The following ANKS1A variants were observed in gnomAD, a reference collection of about 807,000 sequenced individuals.
ANKS1A encodes the protein ankyrin repeat and sterile alpha motif domain containing 1A, also known as ankyrin repeat and SAM domain-containing protein 1A.
Under a neutral mutation model 120.3 loss-of-function variants are expected in ANKS1A, and 55 were observed. That is an observed-to-expected ratio of 0.46 (90% confidence interval 0.37 to 0.57). The LOEUF is 0.57. Ranked by LOEUF, ANKS1A falls within the 20% of genes least tolerant of loss-of-function variation. The probability of loss-of-function intolerance (pLI) is 0.00; values close to 1 mark genes in which losing one functional copy is unlikely to be tolerated. For missense variants in ANKS1A, 1,123 were observed against 1,480.3 expected (o/e 0.76, Z 3.96); for synonymous variants, 590 against 604.7 (o/e 0.98, Z 0.36).
chr6:35,029,812 G>T (rs1774813559), intron 11 of ANKS1A, among the ~76,000 whole-genome samples: 3 of 147,476 alleles, frequency 2.0e-5, no homozygotes, highest in Non-Finnish European at 3.0e-5. Flanking sequence ...TATATTATTT[G>T]ATTACAAATC....
the ANKS1A span, among the ~76,000 whole-genome samples, chr6:35,097,609 TGACA>T: frequency 3.0e-5 from 4 of 135,358 alleles, no homozygotes. Flanking sequence ...TGCTTAAGTC[TGACA>T]CAAGGCACCA....
At chr6:34,972,509 C>T (rs530805691) in intron 3 of ANKS1A, 3 of 809,670 alleles carry the variant, frequency 3.7e-6, no homozygotes, top group South Asian at 1.1e-4. Context: ...TGGGTTCCCT[C>T]AGGGCTGTGT....
chr6:35,088,909 T>C lies in ANKS1A; in HGVS notation c.*300T>C. The C allele has an allele frequency of 7.2e-7, 1 of 1,380,044 alleles. No individual in the cohort carries two copies. The highest frequency in any genetic ancestry group is 9.4e-7 in the Non-Finnish European group (1 of 1,065,642). The allele number at this position is 1,380,044 out of a possible 1,614,324, so 85.5% of individuals were successfully genotyped here. A position where few individuals can be genotyped will look rare whatever the true frequency, so the allele number is the denominator to read the frequency against. On this transcript the variant is annotated 3_prime_UTR_variant, in exon 24 of 24. Coordinates refer to ENST00000360359, the MANE Select transcript of ANKS1A (RefSeq NM_015245.3). ...ACAGAAAAAAAATCTTTTTATAAAA[T>C]GAACTTTTAACACTTGGCTCAAACC...
chr6:34,967,071 C>T (rs1377649736), intron 1 of ANKS1A, among the ~76,000 whole-genome samples, 168 bp from the exon 2 acceptor site: 7 of 152,226 alleles, frequency 4.6e-5, no homozygotes, highest in Non-Finnish European at 2.9e-5. Flanking sequence ...CAGTGCTATG[C>T]ATCTCTGCAG....
chr6:35,067,603 A>C (rs1347670176), intron 13 of ANKS1A, among the ~76,000 whole-genome samples: 4 of 152,144 alleles, frequency 2.6e-5, no homozygotes, highest in Non-Finnish European at 4.4e-5. Context: ...CATGCAGTAG[A>C]TGGGCATGTT....
chr6:34,967,667 C>T (rs1052732963), intron 2 of ANKS1A, among the ~76,000 whole-genome samples: 1 of 152,018 alleles, frequency 6.6e-6, no homozygotes, highest in African/African-American at 2.4e-5. Context: ...CATTGCATTC[C>T]AGCCTGGTTG....
At chr6:35,011,611 C>G (rs1773763287) in intron 10 of ANKS1A, among the ~76,000 whole-genome samples, 1 of 152,146 alleles carries the variant, frequency 6.6e-6, no homozygotes, top group South Asian at 2.1e-4. Flanking sequence ...TGAAGATTCT[C>G]CACTGTGCTA....
intron 1 of ANKS1A, among the ~76,000 whole-genome samples, chr6:34,901,256 G>C (rs1026326506): frequency 3.3e-5 from 5 of 151,312 alleles, no homozygotes; most frequent in Admixed American, 2.6e-4. Context: ...CCTCATTAGT[G>C]ATTAACAACC....
chr6:35,077,877 T>C lies in ANKS1A; in HGVS notation c.2185-681T>C, dbSNP rs74611288. Among the ~76,000 whole-genome samples, 686 of 152,314 alleles carry C rather than the reference T, an allele frequency of 4.5e-3. 4 individuals are homozygous for C. Among genetic ancestry groups the C allele is most frequent in the African/African-American group, 0.015 (627 of 41,568 alleles). ...GGTGAAAGCTCTCGGCCCTGTCATA[T>C]AGTAAGAAAGGAGCAGGAGCACCAG... On this transcript the variant is annotated intron_variant, in intron 13 of 23. Coordinates refer to ENST00000360359, the MANE Select transcript of ANKS1A (RefSeq NM_015245.3).
At chr6:35,053,777 A>C (rs889555111) in intron 11 of ANKS1A, among the ~76,000 whole-genome samples, 2 of 152,246 alleles carry the variant, frequency 1.3e-5, no homozygotes, top group African/African-American at 4.8e-5. Context: ...GCCTCTCCCC[A>C]GTCTCTGCTG....
chr6:35,070,195 CTG>C (rs931489946), intron 13 of ANKS1A, among the ~76,000 whole-genome samples: 4 of 152,086 alleles, frequency 2.6e-5, no homozygotes, highest in African/African-American at 4.8e-5. Flanking sequence ...TAGACTATGA[CTG>C]GTATTGGTGG....
At chr6:34,960,458 A>T (rs986420502) in intron 1 of ANKS1A, among the ~76,000 whole-genome samples, 1 of 152,046 alleles carries the variant, frequency 6.6e-6, no homozygotes, top group Non-Finnish European at 1.5e-5. Context: ...GTGTCTGCTG[A>T]GTACATGCGT....
chr6:34,906,897 G>T (rs1348300827), intron 1 of ANKS1A, among the ~76,000 whole-genome samples: 1 of 152,194 alleles, frequency 6.6e-6, no homozygotes, highest in Non-Finnish European at 1.5e-5. Flanking sequence ...TATGGAGAGA[G>T]AACAGTGGTA....
chr6:34,987,494 A>G (rs939967832), intron 8 of ANKS1A, among the ~76,000 whole-genome samples: 6 of 151,858 alleles, frequency 4.0e-5, no homozygotes, highest in Admixed American at 3.9e-4. Flanking sequence ...TCCCTTCCTT[A>G]CAAGGTGGCA....
At chr6:35,063,602 TA>T (rs1310648853) in intron 13 of ANKS1A, among the ~76,000 whole-genome samples, 1 of 152,228 alleles carries the variant, frequency 6.6e-6, no homozygotes, top group African/African-American at 2.4e-5. Flanking sequence ...AGAAAACATG[TA>T]TGCATAGGAG....
chr6:34,990,483 C>T (rs921087338), intron 9 of ANKS1A, among the ~76,000 whole-genome samples: 1 of 123,446 alleles, frequency 8.1e-6, no homozygotes, highest in Non-Finnish European at 1.7e-5. Context: ...TGTCTCATTA[C>T]CCCCCTCCTT....
intron 11 of ANKS1A, among the ~76,000 whole-genome samples, chr6:35,042,986 T>C (rs1425728366): frequency 2.6e-5 from 4 of 152,216 alleles, no homozygotes; most frequent in Non-Finnish European, 4.4e-5. Flanking sequence ...TTCTTTTGGA[T>C]GACCTTGGAT....
At chr6:34,929,973 A>C (rs749856055) in intron 1 of ANKS1A, among the ~76,000 whole-genome samples, 19 of 151,630 alleles carry the variant, frequency 1.3e-4, no homozygotes, top group Non-Finnish European at 2.5e-4. Flanking sequence ...TATTCTCCAC[A>C]TTCCTGCTCT....
Position 35,091,025 on chromosome 6 carries a change from CAT to C in ANKS1A, c.*2417_*2418del. ...GAGCAGGCAGAGCTGCAGTCAGAGA[CAT>C]TAGAAAACCAGTCTGAATTGGGTCT... On this transcript the variant is annotated 3_prime_UTR_variant, in exon 24 of 24. Coordinates refer to ENST00000360359, the MANE Select transcript of ANKS1A (RefSeq NM_015245.3). 1 of 985,932 alleles carries C rather than the reference CAT, an allele frequency of 1.0e-6. No individual in the cohort carries two copies. Among genetic ancestry groups the C allele is most frequent in the Non-Finnish European group, 1.2e-6 (1 of 829,980 alleles). The allele number at this position is 985,932 out of a possible 1,614,324, so 61.1% of individuals were successfully genotyped here.
Sources: gnomAD v4.1 joint callset for allele counts (sites outside exome capture counted in the v4.1 genomes callset) on GRCh38, gnomAD v4.1.1 for gene constraint, MANE v1.5 for transcripts, NCBI Gene and HGNC (gene_info 2026-07-23, HGNC 2026-07-21) for gene names.